IGSF11: variants seen among roughly 807,000 people sequenced by gnomAD.
IGSF11 encodes the protein immunoglobulin superfamily member 11.
IGSF11 carries 22 observed loss-of-function variants against 41.0 expected under a neutral mutation model. That is an observed-to-expected ratio of 0.54 (90% CI 0.38 to 0.77). IGSF11 has a LOEUF of 0.77. IGSF11 is among the 30% of genes least tolerant of loss of function. IGSF11 has a pLI of 0.00. For synonymous variants in IGSF11, 219 were observed against 201.3 expected (o/e 1.09, Z -0.74); for missense variants, 444 against 530.8 (o/e 0.84, Z 1.61).
At chr3:118,912,517 C>T (rs925864910) in intron 4 of IGSF11, among the ~76,000 whole-genome samples, 1 of 152,214 alleles carries the variant, frequency 6.6e-6, no homozygotes, top group African/African-American at 2.4e-5. Context: ...ACCACACTCA[C>T]TGTATGGACA....
At chr3:118,972,791 T>C (rs958365194) in intron 1 of IGSF11, among the ~76,000 whole-genome samples, 2 of 152,004 alleles carry the variant, frequency 1.3e-5, no homozygotes, top group African/African-American at 4.8e-5. Context: ...AATTAAAGAG[T>C]TAAGTAGCCC....
At chr3:119,044,440 A>T (rs1941239656) in intron 1 of IGSF11, among the ~76,000 whole-genome samples, 1 of 152,020 alleles carries the variant, frequency 6.6e-6, no homozygotes, top group Middle Eastern at 3.2e-3. Flanking sequence ...CATAAGAATA[A>T]TTAGTATTCC....
At chr3:119,039,138 G>A (rs761825691), upstream of IGSF11, among the ~76,000 whole-genome samples, 4 of 152,134 alleles carry the variant, frequency 2.6e-5, no homozygotes, top group Non-Finnish European at 5.9e-5. Flanking sequence ...GACAGGGCCC[G>A]TGTTAGTTGT....
Position 119,034,583 on chromosome 3 carries a change from C to T in IGSF11, c.-1G>A. 1 of 1,589,666 alleles carries T rather than the reference C, an allele frequency of 6.3e-7. No individual in the cohort carries two copies. The highest frequency in any genetic ancestry group is 2.3e-5 in the East Asian group (1 of 42,736). On this transcript the variant is annotated 5_prime_UTR_variant, in exon 1 of 7. Transcript: ENST00000393775. ...CCAGAGGGGAACGCTGAGAAGTCAT[C>T]CCGGGGCCGCAGGGAGCGCGCCTGC...
At chr3:119,047,992 A>C (rs1941441168) in intron 1 of IGSF11, among the ~76,000 whole-genome samples, 1 of 152,314 alleles carries the variant, frequency 6.6e-6, no homozygotes, top group South Asian at 2.1e-4. Flanking sequence ...GGATACATTC[A>C]AAGCAGTGTG....
intron 1 of IGSF11, among the ~76,000 whole-genome samples, chr3:119,138,679 T>C (rs776456371): frequency 1.8e-4 from 27 of 152,078 alleles, no homozygotes; most frequent in Non-Finnish European, 2.9e-4. Context: ...AGCAAGACTC[T>C]GTCTCAAGAA....
intron 1 of IGSF11, among the ~76,000 whole-genome samples, chr3:119,116,233 G>A (rs2077254171): frequency 6.6e-6 from 1 of 152,140 alleles, no homozygotes. Flanking sequence ...GAACAAAAAG[G>A]CAGAAGATGA....
At chr3:118,984,957 T>C (rs890093385) in intron 1 of IGSF11, among the ~76,000 whole-genome samples, 1 of 152,172 alleles carries the variant, frequency 6.6e-6, no homozygotes, top group Admixed American at 6.5e-5. Context: ...TGTGAGAAGA[T>C]AAGAAGCCAT....
At chr3:118,989,294 T>C (rs1935552614) in intron 1 of IGSF11, among the ~76,000 whole-genome samples, 1 of 152,186 alleles carries the variant, frequency 6.6e-6, no homozygotes, top group Non-Finnish European at 1.5e-5. Context: ...TGTTGGTTGT[T>C]GATCCACAAG....
At chr3:119,052,116 A>G (rs1271457826) in intron 1 of IGSF11, among the ~76,000 whole-genome samples, 4 of 152,138 alleles carry the variant, frequency 2.6e-5, no homozygotes, top group Non-Finnish European at 5.9e-5. Flanking sequence ...GAAGAAAAGA[A>G]ATAACAAATA....
chr3:118,989,241 T>C (rs112118412), intron 1 of IGSF11, among the ~76,000 whole-genome samples: 1,792 of 152,328 alleles, frequency 0.012, 39 homozygotes, highest in African/African-American at 0.04. Flanking sequence ...TACAAAGCAA[T>C]GCTACCCAAA....
intron 1 of IGSF11, among the ~76,000 whole-genome samples, chr3:119,089,066 CTGACTAACTCTA>C (rs1301620260): frequency 6.6e-6 from 1 of 152,118 alleles, no homozygotes; most frequent in Non-Finnish European, 1.5e-5. Flanking sequence ...AGGAGCTCTC[CTGACTAACTCTA>C]TGAAGCCAGC....
chr3:119,005,477 G>C (rs1211449671), intron 1 of IGSF11, among the ~76,000 whole-genome samples: 1 of 148,728 alleles, frequency 6.7e-6, no homozygotes, highest in African/African-American at 2.6e-5. Flanking sequence ...AAAGTTAATA[G>C]TGTTATGTGT....
In IGSF11 at chr3:118,902,367, T is replaced by C. The variant is rs1938965592; in HGVS notation, c.*153A>G. 2 of 622,118 alleles carry C rather than the reference T, an allele frequency of 3.2e-6. No homozygotes were observed. Among genetic ancestry groups the C allele is most frequent in the Non-Finnish European group, 5.6e-6 (2 of 357,990 alleles). The allele number at this position is 622,118 out of a possible 1,614,324, so 38.5% of individuals were successfully genotyped here. On this transcript the variant is annotated 3_prime_UTR_variant, in exon 7 of 7. Transcript: ENST00000393775. ...GCATTTCAGTCCATTTTACACATCT[T>C]AGTGGCCAAGTAACAGCACTGCCTT...
At chr3:119,091,756 A>G (rs1189210892) in intron 1 of IGSF11, among the ~76,000 whole-genome samples, 2 of 152,158 alleles carry the variant, frequency 1.3e-5, no homozygotes, top group African/African-American at 4.8e-5. Flanking sequence ...TACTGTGCTC[A>G]TTACCTGGGT....
In IGSF11 at chr3:119,067,193, G is replaced by A. The variant is rs550272908; in HGVS notation, c.49+37951C>T. The stretch of plus-strand genomic sequence containing the variant: ...TTCACCAAAGAGTTTCTTCTGTCCT[G>A]TACTAGCGTATAGGATGAGTGGTTG... On this transcript the variant is annotated intron_variant, in intron 1 of 6. Transcript: ENST00000354673. Among the ~76,000 whole-genome samples the A allele has an allele frequency of 2.1e-4, 32 of 152,264 alleles. 1 individual carries two copies. The South Asian group carries it at 5.4e-3, about 26-fold the overall frequency.
intron 4 of IGSF11, among the ~76,000 whole-genome samples, chr3:118,924,185 G>A (rs1331578256): frequency 6.6e-6 from 1 of 151,924 alleles, no homozygotes; most frequent in Non-Finnish European, 1.5e-5. Context: ...TGTTTGAATT[G>A]TCCTAGATTT....
chr3:118,985,307 AGGGAAGGG>A lies in IGSF11; in HGVS notation c.52+49216_52+49223del, dbSNP rs986641550. Among the ~76,000 whole-genome samples the A allele has an allele frequency of 3.3e-5, 5 of 152,296 alleles. 1 individual carries two copies. Among genetic ancestry groups the A allele is most frequent in the East Asian group, 1.9e-4 (1 of 5,184 alleles). ...CCATTAATGAGAGAACTGAGGTAGG[AGGGAAGGG>A]GGGAATCTACTGGATATTTTTAACG... On this transcript the variant is annotated intron_variant, in intron 1 of 6. Transcript: ENST00000393775.
At chr3:118,917,853 C>T (rs1941332275) in intron 4 of IGSF11, among the ~76,000 whole-genome samples, 1 of 147,082 alleles carries the variant, frequency 6.8e-6, no homozygotes, top group African/African-American at 2.5e-5. Flanking sequence ...ATGCAAAAAT[C>T]CTCAATAAAA....
Sources: gnomAD v4.1 joint callset for allele counts (sites outside exome capture counted in the v4.1 genomes callset) on GRCh38, gnomAD v4.1.1 for gene constraint, MANE v1.5 for transcripts, NCBI Gene and HGNC (gene_info 2026-07-23, HGNC 2026-07-21) for gene names.